The following RPSA2 variants were observed in gnomAD, a reference collection of about 807,000 sequenced individuals.
RPSA2 encodes the protein small ribosomal subunit protein uS2B.
At chr19:23,845,471 T>C in the RPSA2 span, among the ~76,000 whole-genome samples, 1 of 152,066 alleles carries the variant, frequency 6.6e-6, no homozygotes, top group African/African-American at 2.4e-5. Flanking sequence ...TCCATCTTTT[T>C]TCCCCACACA....
At chr19:23,829,534 C>A in the RPSA2 span, among the ~76,000 whole-genome samples, 1 of 152,210 alleles carries the variant, frequency 6.6e-6, no homozygotes, top group Admixed American at 6.5e-5. Context: ...CTCCTGACTT[C>A]AGGTGATCCA....
At chr19:23,867,295 A>G in the RPSA2 span, among the ~76,000 whole-genome samples, 7 of 152,188 alleles carry the variant, frequency 4.6e-5, no homozygotes, top group Non-Finnish European at 7.4e-5. Context: ...CGGAGTGCTG[A>G]GATTTTACCT....
chr19:23,812,348 T>C, the RPSA2 span, among the ~76,000 whole-genome samples: 1 of 151,782 alleles, frequency 6.6e-6, no homozygotes, highest in African/African-American at 2.4e-5. Context: ...TGTTGTAGCT[T>C]ATCTTGTATA....
At chr19:23,870,624 T>C in the RPSA2 span, among the ~76,000 whole-genome samples, 2 of 152,208 alleles carry the variant, frequency 1.3e-5, no homozygotes, top group Non-Finnish European at 1.5e-5. Context: ...CCTCAATCCT[T>C]GGAACTATCT....
the RPSA2 span, among the ~76,000 whole-genome samples, chr19:23,847,897 C>T: frequency 3.4e-3 from 518 of 152,274 alleles, 1 homozygote; most frequent in African/African-American, 0.011. Context: ...CCTACTTGCA[C>T]ATCCATTTAT....
chr19:23,859,215 T>C, the RPSA2 span, among the ~76,000 whole-genome samples: 1 of 152,310 alleles, frequency 6.6e-6, no homozygotes, highest in East Asian at 1.9e-4. Context: ...TGATGCAAAG[T>C]GCAAAAACTG....
chr19:23,845,902 C>T, the RPSA2 span, among the ~76,000 whole-genome samples: 3 of 152,076 alleles, frequency 2.0e-5, no homozygotes, highest in Admixed American at 6.5e-5. Context: ...TAATTTTATT[C>T]TACTATGGTC....
chr19:23,816,608 TTTAA>T, the RPSA2 span, among the ~76,000 whole-genome samples: 2 of 152,228 alleles, frequency 1.3e-5, no homozygotes, highest in Admixed American at 6.5e-5. Context: ...GCACAGTTTC[TTTAA>T]TTATTATCTT....
the RPSA2 span, among the ~76,000 whole-genome samples, chr19:23,789,123 C>G: frequency 4.7e-5 from 7 of 150,194 alleles, no homozygotes; most frequent in Admixed American, 4.7e-4. Context: ...GCCTTAGCCT[C>G]CCAAGTAGCT....
At chr19:23,780,794 AAG>A in the RPSA2 span, among the ~76,000 whole-genome samples, 2 of 152,210 alleles carry the variant, frequency 1.3e-5, no homozygotes, top group African/African-American at 4.8e-5. Flanking sequence ...TACAGTCCTC[AAG>A]AGAGTGCCCT....
At chr19:23,807,028 C>T in the RPSA2 span, among the ~76,000 whole-genome samples, 12 of 152,072 alleles carry the variant, frequency 7.9e-5, no homozygotes, top group East Asian at 7.7e-4. Flanking sequence ...AAAACTTGTT[C>T]GAGTGCATTT....
chr19:23,810,749 C>T, the RPSA2 span, among the ~76,000 whole-genome samples: 1 of 152,146 alleles, frequency 6.6e-6, no homozygotes, highest in African/African-American at 2.4e-5. Flanking sequence ...AAATGGGTGT[C>T]TTCCTCTAGG....
chr19:23,765,862 T>C, the RPSA2 span, among the ~76,000 whole-genome samples: 1 of 152,204 alleles, frequency 6.6e-6, no homozygotes, highest in Non-Finnish European at 1.5e-5. Context: ...TATCAGAAAT[T>C]TGGATTACAC....
chr19:23,806,048 T>TTTC, the RPSA2 span, among the ~76,000 whole-genome samples: 72 of 2,308 alleles, frequency 0.031, 1 homozygote, highest in East Asian at 0.25. Context: ...TCTTTCTTTC[T>TTTC]TTTTTTTTTT....
the RPSA2 span, among the ~76,000 whole-genome samples, chr19:23,819,857 T>A: frequency 1.3e-5 from 2 of 152,182 alleles, no homozygotes; most frequent in African/African-American, 4.8e-5. Flanking sequence ...TTTTCTGAGC[T>A]CTGTGGCCAG....
chr19:23,764,634 T>C, the RPSA2 span, among the ~76,000 whole-genome samples: 148,857 of 152,178 alleles, frequency 0.98, 72,901 homozygotes, highest in Middle Eastern at 1. Flanking sequence ...CTGCCACCAC[T>C]GTGCCCTGCT....
At chr19:23,769,525 G>T in the RPSA2 span, among the ~76,000 whole-genome samples, 1 of 152,152 alleles carries the variant, frequency 6.6e-6, no homozygotes, top group Admixed American at 6.5e-5. Flanking sequence ...TGTATTTTTA[G>T]TAGAGATGAG....
the RPSA2 span, among the ~76,000 whole-genome samples, chr19:23,787,325 G>A: frequency 6.6e-6 from 1 of 152,052 alleles, no homozygotes; most frequent in South Asian, 2.1e-4. Context: ...CTTTGTGGCT[G>A]GGTGTGGTGA....
the RPSA2 span, among the ~76,000 whole-genome samples, chr19:23,852,152 T>C: frequency 6.6e-6 from 1 of 152,208 alleles, no homozygotes; most frequent in African/African-American, 2.4e-5. Context: ...TGGATTCTTC[T>C]ATGAATTGCA....
Sources: allele counts gnomAD v4.1 joint callset (sites outside exome capture counted in the v4.1 genomes callset), GRCh38; gene constraint gnomAD v4.1.1; transcripts MANE v1.5; gene names NCBI Gene and HGNC (gene_info 2026-07-23, HGNC 2026-07-21).